Variants in IL23R observed in about 807,000 individuals in gnomAD.
The protein encoded by IL23R is interleukin 23 receptor.
Under a neutral mutation model 56.9 loss-of-function variants are expected in IL23R, and 34 were observed. That is an observed-to-expected ratio of 0.60 (90% CI 0.45 to 0.80). The LOEUF (loss-of-function observed/expected upper bound fraction) is 0.80. Ranked by LOEUF, IL23R falls within the 30% of genes least tolerant of loss-of-function variation. The pLI is 0.00. For synonymous variants in IL23R, 230 were observed against 249.2 expected, an observed-to-expected ratio of 0.92 and a Z score of 0.73; for missense variants, 635 against 730.0, an observed-to-expected ratio of 0.87 and a Z score of 1.50.
At chr1:67,252,725 A>G (rs899347169) in intron 9 of IL23R, among the ~76,000 whole-genome samples, 1 of 151,736 alleles carries the variant, frequency 6.6e-6, no homozygotes, top group Non-Finnish European at 1.5e-5. Flanking sequence ...GCAATGAACA[A>G]TTTGGGAATT....
chr1:67,149,097 C>G (rs544867095), intron 1 of IL23R, among the ~76,000 whole-genome samples: 1 of 152,284 alleles, frequency 6.6e-6, no homozygotes, highest in East Asian at 1.9e-4. Context: ...CCAGCCCACT[C>G]ACTCCCAATC....
intron 5 of IL23R, among the ~76,000 whole-genome samples, chr1:67,201,645 A>G (rs1167635535): frequency 6.6e-6 from 1 of 151,142 alleles, no homozygotes; most frequent in Non-Finnish European, 1.5e-5. Flanking sequence ...CTTATACTCT[A>G]TACACTACTT....
intron 7 of IL23R, among the ~76,000 whole-genome samples, chr1:67,234,431 G>T (rs1410399076): frequency 2.0e-5 from 3 of 151,954 alleles, no homozygotes; most frequent in Admixed American, 6.6e-5. Flanking sequence ...TCCCTGTTAG[G>T]GCTAATAAAA....
At chr1:67,216,505 G>A (rs530754660) in intron 6 of IL23R, among the ~76,000 whole-genome samples, 1 of 152,122 alleles carries the variant, frequency 6.6e-6, no homozygotes, top group Admixed American at 6.6e-5. Flanking sequence ...AACATTTTAG[G>A]CTTTGCAGAA....
intron 3 of IL23R, among the ~76,000 whole-genome samples, chr1:67,179,251 C>CT (rs1396230431): frequency 6.6e-6 from 1 of 152,066 alleles, no homozygotes; most frequent in African/African-American, 2.4e-5. Context: ...TGGTCCTGGA[C>CT]TTTTTTTGGT....
At chr1:67,245,577 T>C (rs1652163029) in intron 9 of IL23R, among the ~76,000 whole-genome samples, 1 of 152,232 alleles carries the variant, frequency 6.6e-6, no homozygotes. Context: ...CATGTGGTTT[T>C]CATCATTAGT....
intron 3 of IL23R, among the ~76,000 whole-genome samples, chr1:67,173,671 T>A (rs974584554): frequency 1.3e-5 from 2 of 152,172 alleles, no homozygotes; most frequent in African/African-American, 2.4e-5. Flanking sequence ...TAGGTTTTTT[T>A]AAAAGGATAT....
intron 1 of IL23R, among the ~76,000 whole-genome samples, chr1:67,151,463 A>G (rs1347145274): frequency 6.6e-6 from 1 of 152,104 alleles, no homozygotes; most frequent in African/African-American, 2.4e-5. Flanking sequence ...ATTAGATCCC[A>G]TTTGTCAATT....
Position 67,233,141 on chromosome 1 carries a change from G to C in IL23R, c.956-3572G>C, listed in dbSNP as rs145558851. On this transcript the variant is annotated intron_variant, in intron 7 of 10. Transcript: ENST00000347310. ...AAGCAGGTGGATCACCTGAGGTCAGGAGTTCGAGACCAGTCTGACCAATAT... is the reference window on the plus strand; with the variant it reads ...AAGCAGGTGGATCACCTGAGGTCAGCAGTTCGAGACCAGTCTGACCAATAT... 5.8e-3 allele frequency among the ~76,000 whole-genome samples: 809 copies of C among 140,168 alleles called. 6 individuals carry two copies. The highest frequency in any genetic ancestry group is 0.021 in the African/African-American group (777 of 37,490). 92.0% of individuals were successfully genotyped at this position (140,168 alleles called of 152,430 possible).
In IL23R at chr1:67,240,330, G is replaced by T. The variant is rs201869007; in HGVS notation, c.1148+49G>T. ...TTTCTGATTTAGACTACATGTATAT[G>T]TATCACCAAAATTTAGTCATTTCAG... On this transcript the variant is annotated intron_variant, in intron 9 of 10. Coordinates refer to ENST00000347310, the MANE Select transcript of IL23R (RefSeq NM_144701.3). The T allele has an allele frequency of 4.0e-5, 47 of 1,162,418 alleles. No homozygotes were observed. In the East Asian group the frequency reaches 1.1e-3, roughly 27 times the overall value. The allele number at this position is 1,162,418 out of a possible 1,614,324, so 72.0% of individuals were successfully genotyped here.
intron 4 of IL23R, among the ~76,000 whole-genome samples, chr1:67,188,982 G>A (rs564311544): frequency 8.9e-4 from 136 of 152,078 alleles, no homozygotes; most frequent in African/African-American, 3.1e-3. Context: ...AAACCTGACC[G>A]ATTTGATTGA....
chr1:67,171,072 T>A (rs1195646228), intron 3 of IL23R, among the ~76,000 whole-genome samples: 1 of 152,182 alleles, frequency 6.6e-6, no homozygotes, highest in African/African-American at 2.4e-5. Flanking sequence ...ATGTAAGAAA[T>A]CTTCTTAGCT....
chr1:67,191,512 C>T (rs1170305542), intron 4 of IL23R, among the ~76,000 whole-genome samples: 1 of 152,152 alleles, frequency 6.6e-6, no homozygotes, highest in Non-Finnish European at 1.5e-5. Context: ...TGGATCATTC[C>T]CATTGGCTTT....
chr1:67,160,558 T>C (rs983390635), intron 1 of IL23R, among the ~76,000 whole-genome samples: 2 of 152,220 alleles, frequency 1.3e-5, no homozygotes, highest in Non-Finnish European at 2.9e-5. Flanking sequence ...CTTTGTTAAT[T>C]TGGACAACTT....
At chr1:67,258,324 C>A (rs1653061213) in intron 10 of IL23R, among the ~76,000 whole-genome samples, 154 bp from the exon 11 acceptor site, 2 of 151,614 alleles carry the variant, frequency 1.3e-5, no homozygotes, top group Admixed American at 1.3e-4. Context: ...TAACAAAAGA[C>A]AAAAGGAGGA....
At chr1:67,200,067 T>A (rs763097987) in intron 4 of IL23R, among the ~76,000 whole-genome samples, 4 of 152,180 alleles carry the variant, frequency 2.6e-5, no homozygotes, top group Non-Finnish European at 5.9e-5. Flanking sequence ...TGAGACGGAG[T>A]CTCGCTCTGT....
At chr1:67,197,117 G>A (rs1648215878) in intron 4 of IL23R, among the ~76,000 whole-genome samples, 1 of 152,202 alleles carries the variant, frequency 6.6e-6, no homozygotes, top group African/African-American at 2.4e-5. Flanking sequence ...TGAACTCAGA[G>A]AGTAGGGAAA....
At chr1:67,257,138 T>C (rs925426680) in intron 10 of IL23R, among the ~76,000 whole-genome samples, 1 of 152,232 alleles carries the variant, frequency 6.6e-6, no homozygotes, top group African/African-American at 2.4e-5. Flanking sequence ...GCTAAACTCC[T>C]TTCCTATTCT....
chr1:67,195,820 T>G (rs1648105523), intron 4 of IL23R, among the ~76,000 whole-genome samples: 1 of 152,182 alleles, frequency 6.6e-6, no homozygotes, highest in South Asian at 2.1e-4. Context: ...ATATAGAATT[T>G]CTATAGTACT....
Sources: allele counts gnomAD v4.1 joint callset (sites outside exome capture counted in the v4.1 genomes callset), GRCh38; gene constraint gnomAD v4.1.1; transcripts MANE v1.5; gene names NCBI Gene and HGNC (gene_info 2026-07-23, HGNC 2026-07-21).